The following ARID4B variants were observed in gnomAD, a reference collection of about 807,000 sequenced individuals.
ARID4B encodes the protein AT-rich interaction domain 4B.
Under a neutral mutation model 147.5 loss-of-function variants are expected in ARID4B, and 26 were observed. That is an observed-to-expected ratio of 0.18 (90% CI 0.13 to 0.24). The LOEUF (loss-of-function observed/expected upper bound fraction) is 0.24, where lower values mean the gene tolerates loss of function less well. ARID4B is among the 10% of genes least tolerant of loss of function. The probability of loss-of-function intolerance (pLI) is 1.00; values close to 1 mark genes in which losing one functional copy is unlikely to be tolerated. For synonymous variants in ARID4B, 512 were observed against 507.9 expected, an observed-to-expected ratio of 1.01 and a Z score of -0.11; for missense variants, 1,179 against 1,511.5, an observed-to-expected ratio of 0.78 and a Z score of 3.65.
At chr1:235,171,388 G>A (rs992281583) in intron 23 of ARID4B, among the ~76,000 whole-genome samples, 3 of 151,964 alleles carry the variant, frequency 2.0e-5, no homozygotes, top group Non-Finnish European at 4.4e-5. Flanking sequence ...AGCTGAGATC[G>A]CGCCACTGCA....
intron 2 of ARID4B, among the ~76,000 whole-genome samples, chr1:235,262,047 A>T (rs553299231): frequency 6.6e-6 from 1 of 152,310 alleles, no homozygotes; most frequent in African/African-American, 2.4e-5. Context: ...AACATTTCCC[A>T]ATCTATTTGT....
intron 21 of ARID4B, chr1:235,176,984 A>C (rs1663930443): frequency 1.1e-5 from 5 of 470,520 alleles, no homozygotes; most frequent in South Asian, 7.7e-5. Context: ...CTCAGAAGAA[A>C]TACAGTATAT....
rs538076293 is a variant in ARID4B at position 235,326,124 on chromosome 1, T to C, written c.6+790A>G. On this transcript the variant is annotated intron_variant, in intron 2 of 23. Coordinates refer to ENST00000264183, the MANE Select transcript of ARID4B (RefSeq NM_016374.6). ...CAGTTGAATCCAGACTTTTCAAAAA[T>C]CTAAGGTTTTATTCTAGCATGTGTT... is the stretch of plus-strand genomic sequence containing the variant. Among the ~76,000 whole-genome samples, 170 of 152,136 alleles carry C rather than the reference T, an allele frequency of 1.1e-3. 1 individual carries two copies. Among genetic ancestry groups the C allele is most frequent in the African/African-American group, 4.0e-3 (167 of 41,498 alleles).
At position 235,227,308 on chromosome 1, in the gene ARID4B, A is replaced by G. The variant is rs77362558; in HGVS notation, c.897+1923T>C. Among the ~76,000 whole-genome samples, 97 of 152,320 alleles carry G rather than the reference A, an allele frequency of 6.4e-4. 4 individuals carry two copies. The East Asian group carries it at 0.018, about 29-fold the overall frequency. ...ATGAAAGCTTAACTTTTACAGTGAC[A>G]AAAAGCTACTCAGGAGGTTTTTAGC... On this transcript the variant is annotated intron_variant, in intron 11 of 23. Coordinates refer to ENST00000264183, the MANE Select transcript of ARID4B (RefSeq NM_016374.6).
chr1:235,248,462 T>C (rs1163430727), intron 6 of ARID4B, among the ~76,000 whole-genome samples: 1 of 152,168 alleles, frequency 6.6e-6, no homozygotes, highest in Non-Finnish European at 1.5e-5. Context: ...ATGACTTTAT[T>C]TGGTAAACAG....
intron 19 of ARID4B, among the ~76,000 whole-genome samples, chr1:235,192,881 G>A (rs893875466): frequency 1.3e-5 from 2 of 152,194 alleles, no homozygotes; most frequent in Admixed American, 1.3e-4. Flanking sequence ...CAAGGTGGGC[G>A]GATCATAAGG....
At chr1:235,209,563 G>GTTTT (rs374681138) in intron 17 of ARID4B, among the ~76,000 whole-genome samples, 15 of 137,156 alleles carry the variant, frequency 1.1e-4, no homozygotes, top group African/African-American at 4.0e-4. Context: ...TTTGTTTTTT[G>GTTTT]TTTTGTTTTT....
chr1:235,276,319 C>A (rs1313957113), intron 2 of ARID4B, among the ~76,000 whole-genome samples: 2 of 151,834 alleles, frequency 1.3e-5, no homozygotes, highest in African/African-American at 4.8e-5. Context: ...AAGATATAAC[C>A]TCTGGCTATC....
chr1:235,234,909 T>C (rs1262740802), intron 8 of ARID4B, among the ~76,000 whole-genome samples: 3 of 152,230 alleles, frequency 2.0e-5, no homozygotes, highest in Admixed American at 6.5e-5. Context: ...AACATCTTTG[T>C]TGAAAGAATC....
intron 2 of ARID4B, among the ~76,000 whole-genome samples, chr1:235,272,974 T>G (rs761266046): frequency 1.3e-5 from 2 of 152,192 alleles, no homozygotes; most frequent in African/African-American, 2.4e-5. Flanking sequence ...GGGGCATTGG[T>G]AGCAAATATC....
intron 17 of ARID4B, among the ~76,000 whole-genome samples, chr1:235,197,136 ATGAC>A (rs913914802): frequency 3.3e-5 from 5 of 152,192 alleles, no homozygotes; most frequent in African/African-American, 1.2e-4. Flanking sequence ...AAAAAAAAGA[ATGAC>A]AGTTTATTCG....
intron 2 of ARID4B, among the ~76,000 whole-genome samples, chr1:235,268,893 A>C (rs914981813): frequency 1.3e-5 from 2 of 152,236 alleles, no homozygotes; most frequent in African/African-American, 4.8e-5. Flanking sequence ...TGTGTCAGAA[A>C]GTAAAGAAAT....
At chr1:235,301,037 T>G (rs1280320885) in intron 2 of ARID4B, among the ~76,000 whole-genome samples, 1 of 140,558 alleles carries the variant, frequency 7.1e-6, no homozygotes, top group East Asian at 2.0e-4. Context: ...TTTTAAGTAT[T>G]CTTTTTTTTT....
intron 1 of ARID4B, chr1:235,327,390 G>C (rs942716643): frequency 4.6e-5 from 7 of 152,330 alleles, no homozygotes; most frequent in African/African-American, 1.7e-4. Flanking sequence ...AGGGCCTGTG[G>C]GCCGCGGGCA....
Position 235,283,446 on chromosome 1 carries a change from T to C in ARID4B, c.7-22694A>G, listed in dbSNP as rs573508539. ...ATACACAGGTAAAGATTTGAAAGTA[T>C]ATACTAAAATGTTAATAGTAGTTAC... On this transcript the variant is annotated intron_variant, in intron 2 of 23. Transcript: ENST00000264183. Among the ~76,000 whole-genome samples, 227 of 152,356 alleles carry C rather than the reference T, an allele frequency of 1.5e-3. 3 individuals carry two copies. The highest frequency in any genetic ancestry group is 5.1e-3 in the African/African-American group (212 of 41,592).
intron 2 of ARID4B, among the ~76,000 whole-genome samples, chr1:235,303,825 A>G (rs1333738944): frequency 6.6e-6 from 1 of 152,254 alleles, no homozygotes; most frequent in Non-Finnish European, 1.5e-5. Flanking sequence ...CTCTTTTATC[A>G]TAATGCAATG....
At chr1:235,279,639 G>C (rs1251449415) in intron 2 of ARID4B, among the ~76,000 whole-genome samples, 1 of 152,126 alleles carries the variant, frequency 6.6e-6, no homozygotes, top group Non-Finnish European at 1.5e-5. Flanking sequence ...CCTTAGAAAG[G>C]GCTGCTTGCA....
chr1:235,224,634 T>C (rs1667708178), intron 12 of ARID4B, 69 bp downstream of exon 12: 1 of 1,105,772 alleles, frequency 9.0e-7, no homozygotes, highest in African/African-American at 1.6e-5. Flanking sequence ...CAAAATTCTA[T>C]TCTTATTTTT....
intron 23 of ARID4B, among the ~76,000 whole-genome samples, chr1:235,171,647 T>G (rs1362983883): frequency 1.3e-5 from 2 of 149,742 alleles, no homozygotes; most frequent in East Asian, 3.9e-4. Context: ...ATAGATGTCT[T>G]TTTTTTTTTG....
Sources: allele counts gnomAD v4.1 joint callset (sites outside exome capture counted in the v4.1 genomes callset), GRCh38; gene constraint gnomAD v4.1.1; transcripts MANE v1.5; gene names NCBI Gene and HGNC (gene_info 2026-07-23, HGNC 2026-07-21).